Variants in GCC2 observed in about 807,000 individuals in gnomAD.
The protein encoded by GCC2 is GRIP and coiled-coil domain containing 2.
GCC2 carries 120 observed loss-of-function variants against 210.6 expected under a neutral mutation model. That is an observed-to-expected ratio of 0.57 (90% confidence interval 0.49 to 0.66). The LOEUF (loss-of-function observed/expected upper bound fraction) is 0.66. Ranked by LOEUF, GCC2 falls within the 30% of genes least tolerant of loss-of-function variation. GCC2 has a pLI of 0.00. For missense variants in GCC2, 1,868 were observed against 1,871.9 expected, an observed-to-expected ratio of 1.00 and a Z score of 0.04; for synonymous variants, 703 against 652.7, an observed-to-expected ratio of 1.08 and a Z score of -1.17.
intron 4 of GCC2, among the ~76,000 whole-genome samples, chr2:108,466,543 G>T (rs901342908): frequency 1.3e-5 from 2 of 151,878 alleles, no homozygotes; most frequent in African/African-American, 4.8e-5. Context: ...GGCGATCCCA[G>T]CTTATTGCAA....
chr2:108,469,340 G>A, intron 5 of GCC2: 1 of 420,328 alleles, frequency 2.4e-6, no homozygotes, highest in Non-Finnish European at 4.2e-6. Context: ...AAAGTAAGTT[G>A]ATTTTCACAC....
intron 22 of GCC2, among the ~76,000 whole-genome samples, chr2:108,503,397 T>G (rs2917982): frequency 6.6e-6 from 1 of 152,250 alleles, no homozygotes; most frequent in African/African-American, 2.4e-5. Context: ...TCTGCCTTCA[T>G]TGAAAATTCT....
chr2:108,458,658 G>T (rs1458879852), intron 4 of GCC2, among the ~76,000 whole-genome samples: 1 of 151,860 alleles, frequency 6.6e-6, no homozygotes. Flanking sequence ...TTGATAGGTT[G>T]TATGTTTCCA....
chr2:108,452,443 G>A lies in GCC2; in HGVS notation c.193G>A (p.Glu65Lys), dbSNP rs1250962904. Reference sequence around the variant, plus strand: ...AGAACTCAGATCAAAACCTGTTACTGAAGGAACTGGTGATATTATTAAGGT... The same window carrying A: ...AGAACTCAGATCAAAACCTGTTACTAAAGGAACTGGTGATATTATTAAGGT... The part of the protein sequence containing the change: ...IEELRSKPVT[E>K]GTGDIIKALT... Residue 65 changes from glutamate (E) to lysine (K), a missense_variant, in exon 4 of 23, where the codon GAA becomes AAA. Physicochemically the swap from Glu to Lys is moderately conservative, Grantham distance 56. Transcript: ENST00000309863. The A allele has an allele frequency of 6.4e-7, 1 of 1,553,428 alleles. No homozygotes were observed.
chr2:108,498,183 C>CTTTTTTTTTTATTTTTTT (rs1682738974), intron 21 of GCC2, among the ~76,000 whole-genome samples: 1 of 57,466 alleles, frequency 1.7e-5, no homozygotes, highest in African/African-American at 7.3e-5. Context: ...GTTATATTTT[C>CTTTTTTTTTTATTTTTTT]TTTTTTTTTT....
chr2:108,449,340 G>T (rs1194865738), intron 1 of GCC2, 60 bp downstream of exon 1: 4 of 1,534,750 alleles, frequency 2.6e-6, no homozygotes, highest in Non-Finnish European at 3.5e-6. Context: ...TTTGGGATGT[G>T]GGAGTGGGCC....
At chr2:108,473,556 A>G (rs146423161) in intron 7 of GCC2, among the ~76,000 whole-genome samples, 1 of 152,318 alleles carries the variant, frequency 6.6e-6, no homozygotes, top group East Asian at 1.9e-4. Context: ...TATTCCTCAC[A>G]GTAACATTAT....
intron 18 of GCC2, among the ~76,000 whole-genome samples, chr2:108,490,585 T>TAA (rs57919394): frequency 0.61 from 92,146 of 151,760 alleles, 28,632 homozygotes; most frequent in East Asian, 0.96. Context: ...TCAAGGGTGT[T>TAA]GATAATTTTA....
intron 4 of GCC2, among the ~76,000 whole-genome samples, chr2:108,464,240 T>A (rs1163435863): frequency 6.6e-6 from 1 of 151,986 alleles, no homozygotes; most frequent in Non-Finnish European, 1.5e-5. Context: ...CCCACAGCGG[T>A]CTTTAGCCAC....
At chr2:108,496,290 A>G (rs1278005452) in intron 20 of GCC2, 2 of 152,496 alleles carry the variant, frequency 1.3e-5, no homozygotes, top group East Asian at 3.9e-4. Context: ...TATTACCTGT[A>G]ATTAATATTA....
intron 18 of GCC2, among the ~76,000 whole-genome samples, chr2:108,490,887 A>G (rs1237113395): frequency 1.1e-4 from 17 of 152,192 alleles, no homozygotes; most frequent in Admixed American, 1.1e-3. Context: ...ATTCCTCTAA[A>G]GTAATTCAGT....
Position 108,487,598 on chromosome 2 carries a change from A to G in GCC2, c.3931-101A>G. 4.5e-6 allele frequency: 5 copies of G among 1,110,998 alleles called. 1 individual carries two copies. The South Asian group carries it at 8.2e-5, about 18-fold the overall frequency. 68.8% of individuals were successfully genotyped at this position (1,110,998 alleles called of 1,614,324 possible). A position where few individuals can be genotyped will look rare whatever the true frequency, so the allele number is the denominator to read the frequency against. ...AAAAAGAATGTCAGCCATTTTTCTCATTTTCAAAAACAGGTTTTTATCTCA... is the reference window on the plus strand; with the variant it reads ...AAAAAGAATGTCAGCCATTTTTCTCGTTTTCAAAAACAGGTTTTTATCTCA... On this transcript the variant is annotated intron_variant, in intron 16 of 22. Coordinates refer to ENST00000309863, the MANE Select transcript of GCC2 (RefSeq NM_181453.4).
At chr2:108,490,161 C>G (rs952328573) in intron 18 of GCC2, 147 bp downstream of exon 18, 1 of 518,216 alleles carries the variant, frequency 1.9e-6, no homozygotes, top group Non-Finnish European at 3.2e-6. Flanking sequence ...CTTTATCTAC[C>G]TTAGAGCTTC....
intron 7 of GCC2, among the ~76,000 whole-genome samples, chr2:108,473,591 A>C (rs1388320861): frequency 6.6e-6 from 1 of 152,142 alleles, no homozygotes; most frequent in Non-Finnish European, 1.5e-5. Context: ...ATTCCCATAT[A>C]AGAATCAGGA....
At chr2:108,494,380 A>C in intron 19 of GCC2, 1 of 152,236 alleles carries the variant, frequency 6.6e-6, no homozygotes, top group East Asian at 1.9e-4. Flanking sequence ...TCTCAGAAAA[A>C]AAAAAAACAC....
Position 108,470,927 on chromosome 2 carries a change from T to A in GCC2, c.1598T>A (p.Leu533His). Residue 533 changes from leucine (L) to histidine (H), a missense_variant, in exon 6 of 23, where the codon CTT becomes CAT. Coordinates refer to ENST00000309863, the MANE Select transcript of GCC2 (RefSeq NM_181453.4). ...LRTAFTEKDA[L>H]LETVNRLQGE... ...ACTGCTTTTACTGAAAAAGATGCCCTTCTCGAAACTGTGAATCGCCTCCAG... is the reference window on the plus strand; with the variant it reads ...ACTGCTTTTACTGAAAAAGATGCCCATCTCGAAACTGTGAATCGCCTCCAG... 1.2e-6 allele frequency: 2 copies of A among 1,613,478 alleles called. No individual in the cohort carries two copies. Among genetic ancestry groups the A allele is most frequent in the Non-Finnish European group, 1.7e-6 (2 of 1,179,608 alleles).
chr2:108,504,827 C>G (rs1040722789), intron 22 of GCC2, among the ~76,000 whole-genome samples: 1 of 152,112 alleles, frequency 6.6e-6, no homozygotes, highest in African/African-American at 2.4e-5. Context: ...CACTTGTACA[C>G]CATACATACA....
In GCC2 at chr2:108,492,634, C is replaced by T. The variant is rs374403850; in HGVS notation, c.4291C>T (p.Gln1431Ter). ...ATCTGAACATACACAGACTGTGAGTCAGCTAACATCCCAGAACGAGGTCCT... is the reference window on the plus strand; with the variant it reads ...ATCTGAACATACACAGACTGTGAGTTAGCTAACATCCCAGAACGAGGTCCT... ...MKSEHTQTVS[Q>*]LTSQNEVLRN... Residue 1431 changes from glutamine to a stop codon, truncating the protein, a stop_gained, in exon 19 of 23, where the codon CAG (glutamine) becomes TAG (stop). Transcript: ENST00000309863. LOFTEE classifies it high-confidence loss of function. 3 of 1,613,656 alleles carry T rather than the reference C, an allele frequency of 1.9e-6. No homozygotes were observed. Among genetic ancestry groups the T allele is most frequent in the African/African-American group, 1.3e-5 (1 of 74,920 alleles).
At chr2:108,480,007 A>AC (rs1558747531) in intron 9 of GCC2, among the ~76,000 whole-genome samples, 1 of 133,154 alleles carries the variant, frequency 7.5e-6, no homozygotes, top group Non-Finnish European at 1.6e-5. Flanking sequence ...AAAAAAAAAA[A>AC]AACGAAAAAC....
Sources: gnomAD v4.1 joint callset for allele counts (sites outside exome capture counted in the v4.1 genomes callset) on GRCh38, gnomAD v4.1.1 for gene constraint, MANE v1.5 for transcripts, NCBI Gene and HGNC (gene_info 2026-07-23, HGNC 2026-07-21) for gene names.